BMAL2: variants seen among roughly 807,000 people sequenced by gnomAD.
BMAL2 encodes basic helix-loop-helix ARNT like 2, also known as basic helix-loop-helix ARNT-like protein 2.
the BMAL2 span, among the ~76,000 whole-genome samples, chr12:27,405,335 G>A: frequency 1.4e-4 from 21 of 152,206 alleles, no homozygotes; most frequent in Non-Finnish European, 2.6e-4. Context: ...TAGCCTAACT[G>A]GGAGGCACCC....
the BMAL2 span, among the ~76,000 whole-genome samples, chr12:27,386,791 G>A: frequency 9.2e-5 from 14 of 152,086 alleles, no homozygotes; most frequent in African/African-American, 3.1e-4. Flanking sequence ...CACCATGCCC[G>A]GCCAATTTTT....
the BMAL2 span, among the ~76,000 whole-genome samples, chr12:27,389,558 G>A: frequency 1.1e-4 from 17 of 151,988 alleles, no homozygotes; most frequent in Non-Finnish European, 2.5e-4. Flanking sequence ...TTTTTCATAT[G>A]CAAATAAAAT....
At chr12:27,376,229 A>G in the BMAL2 span, 1 of 896,132 alleles carries the variant, frequency 1.1e-6, no homozygotes, top group Non-Finnish European at 1.7e-6. Flanking sequence ...ATTTACAGCT[A>G]AGGATTTTAT....
the BMAL2 span, among the ~76,000 whole-genome samples, chr12:27,347,764 G>C: frequency 6.6e-5 from 10 of 152,158 alleles, no homozygotes; most frequent in Admixed American, 6.5e-4. Flanking sequence ...CATGCCCTTA[G>C]GATCAGCTAG....
the BMAL2 span, chr12:27,387,388 C>G: frequency 1.8e-6 from 2 of 1,116,102 alleles, no homozygotes. Flanking sequence ...TTTTTAAGCT[C>G]TTTTTCTGAA....
the BMAL2 span, among the ~76,000 whole-genome samples, chr12:27,415,171 A>G: frequency 6.6e-6 from 1 of 152,254 alleles, no homozygotes; most frequent in South Asian, 2.1e-4. Flanking sequence ...AGAACTAACT[A>G]TAGTTAATAA....
At chr12:27,337,002 T>C in the BMAL2 span, among the ~76,000 whole-genome samples, 1 of 138,528 alleles carries the variant, frequency 7.2e-6, no homozygotes, top group African/African-American at 2.7e-5. Flanking sequence ...CTTCTTAAAA[T>C]CAGTTCAGTT....
At chr12:27,355,020 G>A in the BMAL2 span, among the ~76,000 whole-genome samples, 1 of 152,168 alleles carries the variant, frequency 6.6e-6, no homozygotes, top group Admixed American at 6.5e-5. Context: ...AGACATTATG[G>A]AAGCCAATCA....
chr12:27,411,672 C>T, the BMAL2 span, among the ~76,000 whole-genome samples: 6 of 151,998 alleles, frequency 3.9e-5, no homozygotes, highest in African/African-American at 1.5e-4. Context: ...AGTCCTTTGC[C>T]CACTATTTAA....
the BMAL2 span, chr12:27,390,162 C>CT: frequency 2.5e-6 from 4 of 1,613,834 alleles, no homozygotes; most frequent in African/African-American, 1.3e-5. Context: ...TCAAGACGAT[C>CT]TTTTTTCTGT....
chr12:27,385,279 A>G, the BMAL2 span, among the ~76,000 whole-genome samples: 2 of 152,168 alleles, frequency 1.3e-5, no homozygotes, highest in Non-Finnish European at 2.9e-5. Flanking sequence ...GCGCGACCGC[A>G]CTCCAGCCTG....
the BMAL2 span, among the ~76,000 whole-genome samples, chr12:27,335,060 A>G: frequency 3.9e-5 from 6 of 152,258 alleles, no homozygotes; most frequent in Admixed American, 3.9e-4. Flanking sequence ...GTAGTAAAAA[A>G]TAGAACGCTC....
chr12:27,403,600 A>G, the BMAL2 span: 537 of 1,092,974 alleles, frequency 4.9e-4, 1 homozygote, highest in Non-Finnish European at 6.9e-4. Context: ...TATAAAATCA[A>G]TATACAAAAA....
At chr12:27,388,324 A>G in the BMAL2 span, among the ~76,000 whole-genome samples, 2 of 152,218 alleles carry the variant, frequency 1.3e-5, no homozygotes, top group Non-Finnish European at 2.9e-5. Context: ...AGTTCTGGAT[A>G]TAGACTTATA....
chr12:27,406,254 T>TA, the BMAL2 span, among the ~76,000 whole-genome samples: 3 of 152,108 alleles, frequency 2.0e-5, no homozygotes, highest in Non-Finnish European at 4.4e-5. Flanking sequence ...GCCACAAAGA[T>TA]ACTCCTCGAG....
the BMAL2 span, among the ~76,000 whole-genome samples, chr12:27,376,797 G>A: frequency 6.6e-6 from 1 of 151,682 alleles, no homozygotes; most frequent in African/African-American, 2.4e-5. Flanking sequence ...TCAGGAGATC[G>A]AGACCATCCT....
the BMAL2 span, among the ~76,000 whole-genome samples, chr12:27,349,493 T>C: frequency 6.6e-6 from 1 of 152,168 alleles, no homozygotes; most frequent in Non-Finnish European, 1.5e-5. Flanking sequence ...ATAGTTCTGA[T>C]TTAATCTTGC....
At chr12:27,346,191 T>C in the BMAL2 span, among the ~76,000 whole-genome samples, 1 of 151,476 alleles carries the variant, frequency 6.6e-6, no homozygotes, top group Non-Finnish European at 1.5e-5. Context: ...TTATAAACTT[T>C]GATTTACCTT....
chr12:27,403,701 A>C, the BMAL2 span, among the ~76,000 whole-genome samples: 1 of 152,226 alleles, frequency 6.6e-6, no homozygotes, highest in Non-Finnish European at 1.5e-5. Flanking sequence ...TAAATTTTAT[A>C]AGAAATATTC....
Sources: allele counts gnomAD v4.1 joint callset (sites outside exome capture counted in the v4.1 genomes callset), GRCh38; gene constraint gnomAD v4.1.1; transcripts MANE v1.5; gene names NCBI Gene and HGNC (gene_info 2026-07-23, HGNC 2026-07-21).